Variants in MSRA observed in about 807,000 individuals in gnomAD.
MSRA encodes the protein mitochondrial peptide methionine sulfoxide reductase.
MSRA carries 54 observed loss-of-function variants against 31.3 expected under a neutral mutation model. The observed-to-expected ratio is 1.73, with a 90% CI of 1.39 to 2.17. The LOEUF is 2.17. Among genes scored for constraint, MSRA ranks in the 30% most tolerant of loss-of-function variants. The pLI is 0.00. For synonymous variants in MSRA, 169 were observed against 116.5 expected (o/e 1.45, Z -2.90); for missense variants, 507 against 300.9 (o/e 1.69, Z -5.07).
intron 5 of MSRA, among the ~76,000 whole-genome samples, chr8:10,371,833 C>T (rs1359791742): frequency 1.3e-5 from 2 of 152,158 alleles, no homozygotes; most frequent in African/African-American, 4.8e-5. Context: ...CCATGTCTTG[C>T]AGGACTTGGG....
chr8:10,086,644 G>A (rs1290524459), intron 1 of MSRA, among the ~76,000 whole-genome samples: 1 of 152,146 alleles, frequency 6.6e-6, no homozygotes, highest in African/African-American at 2.4e-5. Context: ...GTTTCTTATT[G>A]TGGCGGTTGT....
chr8:10,265,014 T>G (rs576122505), intron 3 of MSRA, among the ~76,000 whole-genome samples: 1 of 152,162 alleles, frequency 6.6e-6, no homozygotes, highest in Admixed American at 6.5e-5. Flanking sequence ...TCAGATTAGG[T>G]CACAACAGAC....
At chr8:10,128,867 G>C (rs977167781) in intron 1 of MSRA, among the ~76,000 whole-genome samples, 11 of 152,310 alleles carry the variant, frequency 7.2e-5, no homozygotes, top group African/African-American at 2.6e-4. Flanking sequence ...ATCATCAAAA[G>C]CTTGTTATTA....
chr8:10,059,824 T>A (rs1303745598), intron 1 of MSRA, among the ~76,000 whole-genome samples: 10 of 152,190 alleles, frequency 6.6e-5, no homozygotes. Context: ...AGACGTTAGG[T>A]TATGAACAGA....
At chr8:10,139,839 G>GT (rs1261437216) in intron 1 of MSRA, among the ~76,000 whole-genome samples, 1 of 152,232 alleles carries the variant, frequency 6.6e-6, no homozygotes. Flanking sequence ...GTTGCTGAAA[G>GT]TGTCCTGAGT....
intron 5 of MSRA, among the ~76,000 whole-genome samples, chr8:10,394,541 C>A (rs1358254042): frequency 1.3e-5 from 2 of 152,348 alleles, no homozygotes; most frequent in East Asian, 3.9e-4. Context: ...TCACTTGATT[C>A]CCTGAGCAGC....
At chr8:10,266,065 G>T (rs1022904777) in intron 3 of MSRA, among the ~76,000 whole-genome samples, 18 of 152,204 alleles carry the variant, frequency 1.2e-4, no homozygotes, top group African/African-American at 3.9e-4. Flanking sequence ...TCATGTACCA[G>T]TGTTTGTGTG....
At chr8:10,417,470 G>A (rs1017207491) in intron 5 of MSRA, among the ~76,000 whole-genome samples, 29 of 146,412 alleles carry the variant, frequency 2.0e-4, no homozygotes, top group Admixed American at 1.4e-3. Context: ...TGTAGGCTTA[G>A]TAAGCCCAGC....
At chr8:10,337,709 C>T (rs554363050) in intron 5 of MSRA, 1 of 702,610 alleles carries the variant, frequency 1.4e-6, no homozygotes, top group South Asian at 1.5e-5. Flanking sequence ...CTCTCGGCAG[C>T]TGGTGCTTCC....
At chr8:10,262,190 G>T (rs1287750159) in intron 3 of MSRA, among the ~76,000 whole-genome samples, 1 of 152,146 alleles carries the variant, frequency 6.6e-6, no homozygotes, top group Non-Finnish European at 1.5e-5. Context: ...ATTAACGTTT[G>T]TGTACAGGTT....
At chr8:10,406,787 A>G (rs777159403) in intron 5 of MSRA, among the ~76,000 whole-genome samples, 6 of 152,196 alleles carry the variant, frequency 3.9e-5, no homozygotes, top group Non-Finnish European at 7.3e-5. Flanking sequence ...TGTTTGGCCC[A>G]CTTTCTAGGC....
Position 10,283,129 on chromosome 8 carries a change from T to TACACACACAC in MSRA, c.332-18382_332-18373dup, listed in dbSNP as rs66507479. Reference sequence around the variant, plus strand: ...CACATCATATTGCATATATTCACATTACACACACACACACACACACACACA... The same window carrying TACACACACAC: ...CACATCATATTGCATATATTCACATTACACACACACACACACACACACACACACACACACA... On this transcript the variant is annotated intron_variant, in intron 3 of 5. Transcript: ENST00000317173. 8.3e-3 allele frequency among the ~76,000 whole-genome samples: 1,150 copies of TACACACACAC among 138,536 alleles called. 21 individuals carry two copies. Among genetic ancestry groups the TACACACACAC allele is most frequent in the African/African-American group, 0.029 (1,071 of 36,552 alleles). The allele number at this position is 138,536 out of a possible 152,430, so 90.9% of individuals were successfully genotyped here. A position where few individuals can be genotyped will look rare whatever the true frequency, so the allele number is the denominator to read the frequency against.
At chr8:10,096,248 T>C in intron 1 of MSRA, 2 of 1,185,066 alleles carry the variant, frequency 1.7e-6, no homozygotes, top group Non-Finnish European at 2.1e-6. Flanking sequence ...CCCCAGCAAT[T>C]AGTGACAACA....
At chr8:10,359,354 A>C (rs1804703309) in intron 5 of MSRA, among the ~76,000 whole-genome samples, 1 of 151,808 alleles carries the variant, frequency 6.6e-6, no homozygotes, top group Non-Finnish European at 1.5e-5. Flanking sequence ...CTTTTGTTTT[A>C]TATACTGGTT....
chr8:10,076,806 C>A lies in MSRA; in HGVS notation c.142+22148C>A, dbSNP rs184065541. Among the ~76,000 whole-genome samples, 288 of 151,964 alleles carry A rather than the reference C, an allele frequency of 1.9e-3. 2 individuals are homozygous for A. Among genetic ancestry groups the A allele is most frequent in the African/African-American group, 6.6e-3 (275 of 41,430 alleles). The stretch of plus-strand genomic sequence containing the variant: ...CCAGCTCCGATAGAGTGGGTAGCAT[C>A]AGGAGAAGGGAGGGCAGGGATGAGT... On this transcript the variant is annotated intron_variant, in intron 1 of 5. Transcript: ENST00000317173.
intron 5 of MSRA, among the ~76,000 whole-genome samples, chr8:10,360,732 A>T (rs942438441): frequency 6.6e-6 from 1 of 152,224 alleles, no homozygotes; most frequent in Non-Finnish European, 1.5e-5. Flanking sequence ...TTTATTTGGA[A>T]GATATTCATT....
At chr8:10,112,379 C>T (rs1177424842) in intron 1 of MSRA, among the ~76,000 whole-genome samples, 1 of 152,146 alleles carries the variant, frequency 6.6e-6, no homozygotes, top group Non-Finnish European at 1.5e-5. Context: ...AGAAGGCTAC[C>T]TCTCTCACAT....
chr8:10,404,763 G>A (rs920957773), intron 5 of MSRA, among the ~76,000 whole-genome samples: 2 of 152,208 alleles, frequency 1.3e-5, no homozygotes, highest in African/African-American at 4.8e-5. Context: ...TTCCAGAGTC[G>A]CAGGCCCATT....
chr8:10,226,548 A>G (rs772296053), intron 2 of MSRA, among the ~76,000 whole-genome samples: 15 of 152,212 alleles, frequency 9.9e-5, no homozygotes, highest in Non-Finnish European at 1.9e-4. Flanking sequence ...TTGGAATTCC[A>G]TAGATCTCCT....
Sources: allele counts gnomAD v4.1 joint callset (sites outside exome capture counted in the v4.1 genomes callset), GRCh38; gene constraint gnomAD v4.1.1; transcripts MANE v1.5; gene names NCBI Gene and HGNC (gene_info 2026-07-23, HGNC 2026-07-21).